The following AIMP2 variants were observed in gnomAD, a reference collection of about 807,000 sequenced individuals.
AIMP2 encodes the protein aminoacyl tRNA synthase complex-interacting multifunctional protein 2.
Under a neutral mutation model 23.4 loss-of-function variants are expected in AIMP2, and 20 were observed. The ratio of observed to expected loss-of-function variants is 0.85; its 90% CI spans 0.60 to 1.24. The LOEUF (loss-of-function observed/expected upper bound fraction) is 1.24, where lower values mean the gene tolerates loss of function less well. AIMP2 is among the 50% of genes most tolerant of loss of function. The probability of loss-of-function intolerance (pLI) is 0.00; values close to 1 mark genes in which losing one functional copy is unlikely to be tolerated. For synonymous variants in AIMP2, 210 were observed against 170.4 expected, an observed-to-expected ratio of 1.23 and a Z score of -1.81; for missense variants, 515 against 414.5, an observed-to-expected ratio of 1.24 and a Z score of -2.10.
At position 6,023,495 on chromosome 7, in the gene AIMP2, T is replaced by G. The variant is rs1198048843; in HGVS notation, c.767T>G (p.Phe256Cys). The change falls in exon 4 of 4, where the codon TTC (phenylalanine) becomes TGC (cysteine). Residue 256 changes from phenylalanine (F) to cysteine (C), a missense_variant. Transcript: ENST00000223029. ...AGCAGTAAAGAAAAAGCCGCTGTTT[T>G]CCGCTCCATGAACTCTGCTCTTGGG... Reference protein sequence around the residue: ...EGSSKEKAAVFRSMNSALGKS... With the variant: ...EGSSKEKAAVCRSMNSALGKS... The G allele has an allele frequency of 1.9e-6, 3 of 1,614,084 alleles. No individual in the cohort carries two copies. In the African/African-American group the frequency reaches 4.0e-5, roughly 22 times the overall value.
At chr7:6,018,968 T>TAAACACAC (rs111943711) in intron 3 of AIMP2, among the ~76,000 whole-genome samples, 11 of 150,554 alleles carry the variant, frequency 7.3e-5, no homozygotes, top group Non-Finnish European at 4.4e-5. Context: ...TATCAAACCT[T>TAAACACAC]ACACACACAC....
chr7:6,021,338 CA>C (rs563523048), intron 3 of AIMP2, among the ~76,000 whole-genome samples: 2,472 of 65,916 alleles, frequency 0.038, 36 homozygotes, highest in African/African-American at 0.13. Context: ...GACTCCATCT[CA>C]AAAAAAAAAA....
intron 1 of AIMP2, among the ~76,000 whole-genome samples, chr7:6,013,579 C>G (rs763773598): frequency 2.0e-5 from 3 of 152,036 alleles, no homozygotes; most frequent in Non-Finnish European, 2.9e-5. Context: ...CTTTTTAAGT[C>G]TTTCCAGCTG....
chr7:6,015,160 G>A lies in AIMP2; in HGVS notation c.150G>A (p.Leu50=), dbSNP rs765302683. The A allele has an allele frequency of 2.6e-5, 42 of 1,614,022 alleles. 1 individual carries two copies. Among genetic ancestry groups the A allele is most frequent in the Non-Finnish European group, 3.2e-5 (38 of 1,180,004 alleles). ...GAGHVQEESN[L]SLQALESRQD... Reference sequence around the variant, plus strand: ...GGTTTGTTTAGGAAGAGTCTAACCTGTCTCTGCAAGCTCTTGAGTCCCGCC... The same window carrying A: ...GGTTTGTTTAGGAAGAGTCTAACCTATCTCTGCAAGCTCTTGAGTCCCGCC... Residue 50 remains leucine, a synonymous_variant, in exon 2 of 4, where the codon CTG becomes CTA. Coordinates refer to ENST00000223029, the MANE Select transcript of AIMP2 (RefSeq NM_006303.4).
intron 2 of AIMP2, among the ~76,000 whole-genome samples, 173 bp from the exon 3 acceptor site, chr7:6,017,641 G>C (rs1056046603): frequency 1.3e-5 from 2 of 152,154 alleles, no homozygotes; most frequent in African/African-American, 4.8e-5. Flanking sequence ...ACTCCGTCCT[G>C]AGCGAGTGAC....
chr7:6,017,492 C>G (rs1787093194), intron 2 of AIMP2, among the ~76,000 whole-genome samples: 1 of 148,840 alleles, frequency 6.7e-6, no homozygotes, highest in Non-Finnish European at 1.5e-5. Flanking sequence ...CACTGTACTC[C>G]AGCCTGTGTG....
At chr7:6,011,712 C>G (rs1786701777) in intron 1 of AIMP2, among the ~76,000 whole-genome samples, 1 of 152,206 alleles carries the variant, frequency 6.6e-6, no homozygotes, top group African/African-American at 2.4e-5. Context: ...GGTCCCTGCA[C>G]CTAGAGAGTG....
Position 6,014,297 on chromosome 7 carries a change from G to A in AIMP2, c.136-849G>A, listed in dbSNP as rs530405433. On this transcript the variant is annotated intron_variant, in intron 1 of 3. Transcript: ENST00000223029. The stretch of plus-strand genomic sequence containing the variant: ...TTTTGAGACGGTGTCTTGCTCTGTC[G>A]CCCAGGCTGGAGTTCAGTGGTGCGA... Among the ~76,000 whole-genome samples the A allele has an allele frequency of 3.2e-4, 38 of 117,012 alleles. No homozygotes were observed. The Middle Eastern group carries it at 0.031, about 96-fold the overall frequency. 76.8% of individuals were successfully genotyped at this position (117,012 alleles called of 152,430 possible). A position where few individuals can be genotyped will look rare whatever the true frequency, so the allele number is the denominator to read the frequency against.
At chr7:6,015,429 A>C in intron 2 of AIMP2, 77 bp downstream of exon 2, 4 of 1,519,446 alleles carry the variant, frequency 2.6e-6, no homozygotes, top group Non-Finnish European at 3.6e-6. Context: ...CTGTGATTAA[A>C]GCCTTAGCTT....
In AIMP2 at chr7:6,009,459, C is replaced by A; in HGVS notation, c.96C>A (p.Gly32=). The change falls in exon 1 of 4, where the codon GGC becomes GGA. Residue 32 remains glycine, a synonymous_variant. Coordinates refer to ENST00000223029, the MANE Select transcript of AIMP2 (RefSeq NM_006303.4). ...TGTACCGGCTCCCCAACGTGCACGG[C>A]AGGAGCTACGGCCCAGCGCCGGGCG... is the stretch of plus-strand genomic sequence containing the variant. ...TCMYRLPNVH[G]RSYGPAPGAG... 6.2e-7 allele frequency: 1 copy of A among 1,609,368 alleles called. No homozygotes were observed. The highest frequency in any genetic ancestry group is 8.5e-7 in the Non-Finnish European group (1 of 1,179,132).
intron 3 of AIMP2, among the ~76,000 whole-genome samples, chr7:6,020,570 T>G (rs1392375838): frequency 6.6e-6 from 1 of 151,550 alleles, no homozygotes; most frequent in African/African-American, 2.4e-5. Context: ...AGCTGGAGAG[T>G]TTAATGCCAG....
intron 1 of AIMP2, chr7:6,012,894 C>G (rs1172279630): frequency 1.1e-5 from 11 of 988,594 alleles, no homozygotes; most frequent in Non-Finnish European, 1.3e-5. Context: ...CTGTTCCACC[C>G]GGAAGTCAGT....
intron 1 of AIMP2, among the ~76,000 whole-genome samples, chr7:6,011,894 C>T (rs1583447186): frequency 6.6e-6 from 1 of 152,268 alleles, no homozygotes; most frequent in Admixed American, 6.5e-5. Flanking sequence ...ACTTAGAGGA[C>T]ACATAATCTC....
At chr7:6,018,878 T>C (rs978103772) in intron 3 of AIMP2, among the ~76,000 whole-genome samples, 2 of 151,798 alleles carry the variant, frequency 1.3e-5, no homozygotes, top group African/African-American at 2.4e-5. Flanking sequence ...GAAAAAGATA[T>C]GAGGCATAAA....
At chr7:6,022,086 C>G (rs1787466438) in intron 3 of AIMP2, among the ~76,000 whole-genome samples, 2 of 152,006 alleles carry the variant, frequency 1.3e-5, no homozygotes, top group African/African-American at 4.8e-5. Context: ...TTATCATTTT[C>G]TTTTAAAGAG....
intron 2 of AIMP2, among the ~76,000 whole-genome samples, chr7:6,017,198 G>A (rs781580660): frequency 6.6e-6 from 1 of 152,084 alleles, no homozygotes; most frequent in Admixed American, 6.6e-5. Context: ...TGGAATAACT[G>A]CAGGTTAAAA....
intron 2 of AIMP2, among the ~76,000 whole-genome samples, chr7:6,015,598 C>T (rs560551737): frequency 3.9e-5 from 6 of 152,198 alleles, no homozygotes; most frequent in Non-Finnish European, 7.3e-5. Context: ...GTGGCGGGCA[C>T]CTGTAGTCCC....
At chr7:6,019,053 C>T (rs1787217978) in intron 3 of AIMP2, among the ~76,000 whole-genome samples, 1 of 151,586 alleles carries the variant, frequency 6.6e-6, no homozygotes, top group Admixed American at 6.6e-5. Context: ...GCATGAAATC[C>T]CAACTGCGTA....
At position 6,010,118 on chromosome 7, in the gene AIMP2, C is replaced by T. The variant is rs1786531718; in HGVS notation, c.135+620C>T. Among the ~76,000 whole-genome samples, 3 of 150,470 alleles carry T rather than the reference C, an allele frequency of 2.0e-5. No individual in the cohort carries two copies. The South Asian group carries it at 6.3e-4, about 32-fold the overall frequency. On this transcript the variant is annotated intron_variant, in intron 1 of 3. Coordinates refer to ENST00000223029, the MANE Select transcript of AIMP2 (RefSeq NM_006303.4). ...CCACTCTCAGCAACATAGCGAGACC[C>T]TTGTCTCTATTTTTTAAATGTTTTA... is the stretch of plus-strand genomic sequence containing the variant.
Sources: gnomAD v4.1 joint callset for allele counts (sites outside exome capture counted in the v4.1 genomes callset) on GRCh38, gnomAD v4.1.1 for gene constraint, MANE v1.5 for transcripts, NCBI Gene and HGNC (gene_info 2026-07-23, HGNC 2026-07-21) for gene names.